The following ADAD1 variants were observed in gnomAD, a reference collection of about 807,000 sequenced individuals.
ADAD1 encodes adenosine deaminase domain-containing protein 1.
In ADAD1, 46 loss-of-function variants were observed where a neutral mutation model predicts 66.8. That is an observed-to-expected ratio of 0.69 (90% CI 0.54 to 0.88). The LOEUF (loss-of-function observed/expected upper bound fraction) is 0.88. Ranked by LOEUF, ADAD1 falls within the 40% of genes least tolerant of loss-of-function variation. The pLI, the probability that ADAD1 is intolerant of heterozygous loss-of-function variation, is 0.00. For synonymous variants in ADAD1, 248 were observed against 229.4 expected (o/e 1.08, Z -0.73); for missense variants, 617 against 681.8 (o/e 0.91, Z 1.06).
At chr4:122,402,919 A>G (rs976843098) in intron 7 of ADAD1, among the ~76,000 whole-genome samples, 6 of 151,992 alleles carry the variant, frequency 3.9e-5, no homozygotes, top group African/African-American at 1.5e-4. Context: ...TAATTTCTTT[A>G]AGTTGGTTTT....
intron 5 of ADAD1, 121 bp from the exon 6 acceptor site, chr4:122,393,468 A>G (rs776880860): frequency 5.9e-6 from 4 of 674,046 alleles, no homozygotes; most frequent in Non-Finnish European, 9.5e-6. Context: ...GATGGCCCAG[A>G]GTTGGCAAAA....
intron 7 of ADAD1, among the ~76,000 whole-genome samples, chr4:122,400,455 CTT>C (rs1795922495): frequency 6.6e-6 from 1 of 151,888 alleles, no homozygotes; most frequent in Admixed American, 6.6e-5. Flanking sequence ...GGATATTGGT[CTT>C]TAGTTTTCTT....
At chr4:122,401,258 C>G (rs949851102) in intron 7 of ADAD1, among the ~76,000 whole-genome samples, 2 of 151,512 alleles carry the variant, frequency 1.3e-5, no homozygotes, top group Non-Finnish European at 2.9e-5. Context: ...ATTGTTGATA[C>G]AAAGATCATT....
rs1394549648 is a variant in ADAD1 at position 122,412,687 on chromosome 4, G to T, written c.1127G>T (p.Gly376Val). The change falls in exon 10 of 13, where the codon GGT becomes GTT. Residue 376 changes from glycine to valine, a missense_variant. Coordinates refer to ENST00000296513, the MANE Select transcript of ADAD1 (RefSeq NM_139243.4). ...CTGACTGTTTACTGTCCTAAAGATGGTGTTAATAGAATAAGCAGTATGTCC... is the reference window on the plus strand; with the variant it reads ...CTGACTGTTTACTGTCCTAAAGATGTTGTTAATAGAATAAGCAGTATGTCC... ...IYLTVYCPKD[G>V]VNRISSMSSS... is the part of the protein sequence containing the mutation. The T allele has an allele frequency of 6.2e-7, 1 of 1,613,912 alleles. No homozygotes were observed.
intron 7 of ADAD1, among the ~76,000 whole-genome samples, chr4:122,402,333 C>G (rs1268657657): frequency 6.6e-6 from 1 of 152,150 alleles, no homozygotes; most frequent in Non-Finnish European, 1.5e-5. Context: ...CCAATCCCTT[C>G]TGACTTGTAG....
At chr4:122,382,043 A>T (rs1794920589) in intron 4 of ADAD1, among the ~76,000 whole-genome samples, 1 of 152,266 alleles carries the variant, frequency 6.6e-6, no homozygotes, top group African/African-American at 2.4e-5. Flanking sequence ...CAGTAAACTA[A>T]CAGGTGACAG....
At chr4:122,427,643 T>C (rs1797310027) in intron 12 of ADAD1, among the ~76,000 whole-genome samples, 1 of 149,344 alleles carries the variant, frequency 6.7e-6, no homozygotes. Context: ...CAAGTGATTC[T>C]CCTGCCTCAG....
intron 5 of ADAD1, among the ~76,000 whole-genome samples, chr4:122,390,483 C>T (rs923035885): frequency 1.5e-4 from 23 of 152,168 alleles, no homozygotes; most frequent in Non-Finnish European, 2.4e-4. Flanking sequence ...TCTCTGTCTC[C>T]TTCTGGTACT....
At chr4:122,410,837 A>G (rs1796435302) in intron 8 of ADAD1, among the ~76,000 whole-genome samples, 2 of 152,132 alleles carry the variant, frequency 1.3e-5, no homozygotes, top group Non-Finnish European at 2.9e-5. Context: ...TGGGTAGGTA[A>G]GGGGAAATAG....
At chr4:122,414,283 G>A (rs531542489) in intron 10 of ADAD1, among the ~76,000 whole-genome samples, 4 of 118,724 alleles carry the variant, frequency 3.4e-5, no homozygotes, top group Admixed American at 1.7e-4. Flanking sequence ...TTTGGGGGGG[G>A]GGGTACAACT....
intron 6 of ADAD1, among the ~76,000 whole-genome samples, chr4:122,394,055 C>T (rs1026665785): frequency 7.9e-5 from 12 of 152,102 alleles, no homozygotes; most frequent in Non-Finnish European, 1.3e-4. Context: ...CCCGAGAAAG[C>T]TGCAACTTCA....
At chr4:122,382,806 A>C (rs1794969444) in intron 4 of ADAD1, among the ~76,000 whole-genome samples, 1 of 152,352 alleles carries the variant, frequency 6.6e-6, no homozygotes, top group South Asian at 2.1e-4. Flanking sequence ...ATTGGAACCC[A>C]GGTGATCATG....
In ADAD1 at chr4:122,421,325, T is replaced by G. The variant is rs2150600995; in HGVS notation, c.1552T>G (p.Phe518Val). The change falls in exon 12 of 13, where the codon TTT becomes GTT. Residue 518 changes from phenylalanine to valine, a missense_variant. Phe to Val is a conservative substitution (Grantham distance 50). Coordinates refer to ENST00000296513, the MANE Select transcript of ADAD1 (RefSeq NM_139243.4). ...TTGTAAGGCTGCAATGTTAAGTCGG[T>G]TTAACCTGCTTGCCAAAGAAGCTAA... Reference protein sequence around the residue: ...RLCKAAMLSRFNLLAKEAKKE... With the variant: ...RLCKAAMLSRVNLLAKEAKKE... 6.2e-7 allele frequency: 1 copy of G among 1,606,926 alleles called. No individual in the cohort carries two copies. The highest frequency in any genetic ancestry group is 1.7e-4 in the Middle Eastern group (1 of 6,028).
rs1227123863 is a variant in ADAD1, at chr4:122,380,152, C to G, written c.83C>G (p.Pro28Arg). ...CTGAAAAAGAACCTGCCAGTTCAACCAGCGACAAAGACGATAACTACACCC... is the reference window on the plus strand; with the variant it reads ...CTGAAAAAGAACCTGCCAGTTCAACGAGCGACAAAGACGATAACTACACCC... ...QMLKKNLPVQ[P>R]ATKTITTPTG... Residue 28 changes from proline to arginine, a missense_variant, in exon 3 of 13, where the codon CCA (proline) becomes CGA (arginine). Physicochemically the swap from Pro to Arg is moderately radical, Grantham distance 103. Transcript: ENST00000296513. 2 of 1,614,032 alleles carry G rather than the reference C, an allele frequency of 1.2e-6. No homozygotes were observed. The highest frequency in any genetic ancestry group is 2.7e-5 in the African/African-American group (2 of 74,904).
rs28831532 is a variant in ADAD1, at chr4:122,403,536, C to T, written c.725-4372C>T. On this transcript the variant is annotated intron_variant, in intron 7 of 12. Transcript: ENST00000296513. ...CTCTGCTTAGCCAGGATGTTGCAGG[C>T]GGTGAAATTAGCTGTTGTTTTCTCC... 7.0e-3 allele frequency among the ~76,000 whole-genome samples: 1,071 copies of T among 152,206 alleles called. 8 individuals carry two copies. Among genetic ancestry groups the T allele is most frequent in the African/African-American group, 0.024 (1,010 of 41,524 alleles).
At chr4:122,381,299 A>C in intron 4 of ADAD1, 119 bp downstream of exon 4, 1 of 1,028,120 alleles carries the variant, frequency 9.7e-7, no homozygotes, top group South Asian at 2.0e-5. Flanking sequence ...TGTTTTCACA[A>C]GAATACTTAA....
chr4:122,406,714 C>G (rs1358497847), intron 7 of ADAD1, among the ~76,000 whole-genome samples: 2 of 152,076 alleles, frequency 1.3e-5, no homozygotes, highest in Non-Finnish European at 2.9e-5. Context: ...CTATACTTCT[C>G]TCTTTGCCCA....
chr4:122,420,355 A>C (rs1420484794), intron 11 of ADAD1, among the ~76,000 whole-genome samples: 2 of 152,212 alleles, frequency 1.3e-5, no homozygotes, highest in African/African-American at 4.8e-5. Context: ...GGTCAACTAA[A>C]GGTCAGGTGA....
intron 8 of ADAD1, 126 bp downstream of exon 8, chr4:122,408,157 T>C: frequency 2.0e-6 from 2 of 985,980 alleles, no homozygotes; most frequent in South Asian, 2.2e-5. Context: ...CACATTTTCT[T>C]ATCTAAGTCA....
Sources: gnomAD v4.1 joint callset for allele counts (sites outside exome capture counted in the v4.1 genomes callset) on GRCh38, gnomAD v4.1.1 for gene constraint, MANE v1.5 for transcripts, NCBI Gene and HGNC (gene_info 2026-07-23, HGNC 2026-07-21) for gene names.